GFRA4: variants seen among roughly 807,000 people sequenced by gnomAD.
GFRA4 encodes the protein GDNF family receptor alpha 4.
Under a neutral mutation model 28.5 loss-of-function variants are expected in GFRA4, and 31 were observed. The observed-to-expected ratio is 1.09, with a 90% CI of 0.82 to 1.47. The LOEUF is 1.47. Among genes scored for constraint, GFRA4 ranks in the 40% most tolerant of loss-of-function variants. The probability of loss-of-function intolerance (pLI) is 0.00; values close to 1 mark genes in which losing one functional copy is unlikely to be tolerated. For synonymous variants in GFRA4, 188 were observed against 188.0 expected, an observed-to-expected ratio of 1.00 and a Z score of 0.00; for missense variants, 389 against 413.2, an observed-to-expected ratio of 0.94 and a Z score of 0.51.
chr20:3,661,926 G>A (rs945951687), intron 1 of GFRA4, among the ~76,000 whole-genome samples: 1 of 151,988 alleles, frequency 6.6e-6, no homozygotes, highest in Non-Finnish European at 1.5e-5. Context: ...CCCTTGAGTC[G>A]AGGTCATCCT....
In GFRA4 at chr20:3,661,820, G is replaced by A. The variant is rs182621335; in HGVS notation, c.47-531C>T. Among the ~76,000 whole-genome samples the A allele has an allele frequency of 4.0e-4, 61 of 152,178 alleles. No homozygotes were observed. The East Asian group carries it at 7.0e-3, about 17-fold the overall frequency. ...CTCCACCATGGAGACCCTTTGGGTG[G>A]GTCTATTGATTTCTGTTTCTCCCTC... On this transcript the variant is annotated intron_variant, in intron 1 of 5. Coordinates refer to ENST00000290417, the MANE Select transcript of GFRA4 (RefSeq NM_022139.4).
In GFRA4 at chr20:3,660,671, C is replaced by G; in HGVS notation, c.503-11G>C. 1 of 1,542,468 alleles carries G rather than the reference C, an allele frequency of 6.5e-7. No individual in the cohort carries two copies. Among genetic ancestry groups the G allele is most frequent in the Non-Finnish European group, 8.7e-7 (1 of 1,143,638 alleles). ...GGGTGACGGCGGTGCCTGCGGGGAC[C>G]CTGAGGGCGAAGTCATCGGCCCACC... On this transcript the variant is annotated splice_polypyrimidine_tract_variant and intron_variant, in intron 3 of 5. Coordinates refer to ENST00000290417, the MANE Select transcript of GFRA4 (RefSeq NM_022139.4).
chr20:3,660,233 G>T lies in GFRA4; in HGVS notation c.654C>A (p.Ala218=). ...RNRCLDGAIQ[A]FASGWPPVLL... Reference sequence around the variant, plus strand: ...GGACTGGGGGCCACCCGCTGGCAAAGGCCTGAATGGCACCATCTATGGAGG... The same window carrying T: ...GGACTGGGGGCCACCCGCTGGCAAATGCCTGAATGGCACCATCTATGGAGG... Residue 218 remains alanine, a synonymous_variant, in exon 5 of 6, where the codon GCC becomes GCA. Coordinates refer to ENST00000290417, the MANE Select transcript of GFRA4 (RefSeq NM_022139.4). The T allele has an allele frequency of 6.2e-7, 1 of 1,605,874 alleles. No homozygotes were observed. The highest frequency in any genetic ancestry group is 8.5e-7 in the Non-Finnish European group (1 of 1,176,692).
rs492370 is a variant in GFRA4, at chr20:3,659,289, T to G, written c.*620A>C. On this transcript the variant is annotated 3_prime_UTR_variant, in exon 6 of 6. Coordinates refer to ENST00000290417, the MANE Select transcript of GFRA4 (RefSeq NM_022139.4). Reference sequence around the variant, plus strand: ...AGATTTAATAAGCACTGTATGTTATTCCTACAGCTGCAGGAAACCAGGGGG... The same window carrying G: ...AGATTTAATAAGCACTGTATGTTATGCCTACAGCTGCAGGAAACCAGGGGG... 3.5e-3 allele frequency: 545 copies of G among 157,574 alleles called. 1 individual carries two copies. Among genetic ancestry groups the G allele is most frequent in the Middle Eastern group, 0.013 (4 of 300 alleles). 9.8% of individuals were successfully genotyped at this position (157,574 alleles called of 1,614,324 possible). A position where few individuals can be genotyped will look rare whatever the true frequency, so the allele number is the denominator to read the frequency against.
At chr20:3,663,296 G>A (rs2087242195) in intron 1 of GFRA4, 58 bp downstream of exon 1, 1 of 1,570,646 alleles carries the variant, frequency 6.4e-7, no homozygotes, top group Admixed American at 1.8e-5. Context: ...CCTTGTCACT[G>A]AGGAGCAGGG....
chr20:3,659,721 A>G lies in GFRA4; in HGVS notation c.*188T>C, dbSNP rs1411352990. 28 of 602,130 alleles carry G rather than the reference A, an allele frequency of 4.7e-5. No homozygotes were observed. The East Asian group carries it at 7.8e-4, about 17-fold the overall frequency. The allele number at this position is 602,130 out of a possible 1,614,324, so 37.3% of individuals were successfully genotyped here. On this transcript the variant is annotated 3_prime_UTR_variant, in exon 6 of 6. Transcript: ENST00000290417. ...GACGGGGGCTTTACAGTCAGGCCCCAGCCTACATCCCTTGCCCCAGGGGAC... is the reference window on the plus strand; with the variant it reads ...GACGGGGGCTTTACAGTCAGGCCCCGGCCTACATCCCTTGCCCCAGGGGAC...
intron 1 of GFRA4, among the ~76,000 whole-genome samples, chr20:3,662,830 C>A (rs1019218666): frequency 2.0e-5 from 3 of 152,212 alleles, no homozygotes; most frequent in African/African-American, 7.2e-5. Flanking sequence ...GCCCAGAACA[C>A]CCTTACCCAG....
At position 3,659,478 on chromosome 20, in the gene GFRA4, G is replaced by A. The variant is rs149767536; in HGVS notation, c.*431C>T. ...TGCAGTGTTAGACGGGGTCTTGTCCGATGGATTCCTTAGGGGGTTATATGC... is the reference window on the plus strand; with the variant it reads ...TGCAGTGTTAGACGGGGTCTTGTCCAATGGATTCCTTAGGGGGTTATATGC... On this transcript the variant is annotated 3_prime_UTR_variant, in exon 6 of 6. Transcript: ENST00000290417. 7 of 193,450 alleles carry A rather than the reference G, an allele frequency of 3.6e-5. No individual in the cohort carries two copies. The highest frequency in any genetic ancestry group is 2.7e-4 in the Admixed American group (5 of 18,582). The allele number at this position is 193,450 out of a possible 1,614,324, so 12.0% of individuals were successfully genotyped here. A position where few individuals can be genotyped will look rare whatever the true frequency, so the allele number is the denominator to read the frequency against.
rs1332055893 is a variant in GFRA4 at position 3,660,554 on chromosome 20, C to A, written c.609G>T (p.Arg203=). 1.3e-6 allele frequency: 2 copies of A among 1,550,786 alleles called. No homozygotes were observed. The highest frequency in any genetic ancestry group is 1.7e-6 in the Non-Finnish European group (2 of 1,147,292). The part of the protein sequence containing the change: ...GNRREDCEAF[R]GLFTRNRCLD... ...AGCAGCGGTTCCTGGTAAAGAGCCC[C>A]CGGAAGGCTTCGCAGTCCTCACGCC... The change falls in exon 4 of 6, where the codon CGG becomes CGT. Residue 203 remains arginine (R), a synonymous_variant. Transcript: ENST00000290417.
intron 1 of GFRA4, among the ~76,000 whole-genome samples, chr20:3,662,469 C>T (rs1207240040): frequency 1.0e-5 from 1 of 96,014 alleles, no homozygotes; most frequent in Non-Finnish European, 2.1e-5. Flanking sequence ...TGCACAGGGG[C>T]TACGGGGTGG....
chr20:3,659,655 TG>T lies in GFRA4; in HGVS notation c.*253del. 1 of 551,258 alleles carries T rather than the reference TG, an allele frequency of 1.8e-6. No individual in the cohort carries two copies. Among genetic ancestry groups the T allele is most frequent in the Non-Finnish European group, 3.2e-6 (1 of 308,288 alleles). The allele number at this position is 551,258 out of a possible 1,614,324, so 34.1% of individuals were successfully genotyped here. ...GAGACCCCAGTGGTCTCAAGGTCTG[TG>T]AATAAAGGGACTTACAACCAAGATG... On this transcript the variant is annotated 3_prime_UTR_variant, in exon 6 of 6. Coordinates refer to ENST00000290417, the MANE Select transcript of GFRA4 (RefSeq NM_022139.4).
chr20:3,659,477 C>A lies in GFRA4; in HGVS notation c.*432G>T, dbSNP rs1050273672. On this transcript the variant is annotated 3_prime_UTR_variant, in exon 6 of 6. Coordinates refer to ENST00000290417, the MANE Select transcript of GFRA4 (RefSeq NM_022139.4). ...ATGCAGTGTTAGACGGGGTCTTGTC[C>A]GATGGATTCCTTAGGGGGTTATATG... The A allele has an allele frequency of 5.2e-6, 1 of 193,424 alleles. No individual in the cohort carries two copies. The highest frequency in any genetic ancestry group is 1.1e-5 in the Non-Finnish European group (1 of 92,674). The allele number at this position is 193,424 out of a possible 1,614,324, so 12.0% of individuals were successfully genotyped here.
In GFRA4 at chr20:3,661,141, G is replaced by C. The variant is rs2087218609; in HGVS notation, c.195C>G (p.Arg65=). 2.3e-6 allele frequency: 3 copies of C among 1,330,910 alleles called. No individual in the cohort carries two copies. Among genetic ancestry groups the C allele is most frequent in the Non-Finnish European group, 1.9e-6 (2 of 1,048,254 alleles). 82.4% of individuals were successfully genotyped at this position (1,330,910 alleles called of 1,614,324 possible). A position where few individuals can be genotyped will look rare whatever the true frequency, so the allele number is the denominator to read the frequency against. Residue 65 remains arginine, a synonymous_variant, in exon 2 of 6, where the codon CGC becomes CGG. Coordinates refer to ENST00000290417, the MANE Select transcript of GFRA4 (RefSeq NM_022139.4). ...GGGCGAAGAAGCGGCGCAGGGCCCG[G>C]CGGCAGCGGGCGCGGGGACAGCCCC... The part of the protein sequence containing the change: ...AQGGCPRARC[R]RALRRFFARG...
At position 3,661,101 on chromosome 20, in the gene GFRA4, GCGCGGGCGGCC is replaced by G; in HGVS notation, c.224_234del (p.Gly75AlafsTer41). 1 of 1,319,646 alleles carries G rather than the reference GCGCGGGCGGCC, an allele frequency of 7.6e-7. No individual in the cohort carries two copies. The highest frequency in any genetic ancestry group is 9.6e-7 in the Non-Finnish European group (1 of 1,043,066). 81.7% of individuals were successfully genotyped at this position (1,319,646 alleles called of 1,614,324 possible). ...GGGCAGAAGAGCAGTGCGTGGGTGA[GCGCGGGCGGCC>G]CGCGGGCGAAGAAGCGGCGCAGGGC... On this transcript the variant is annotated frameshift_variant, in exon 2 of 6. Transcript: ENST00000290417. LOFTEE classifies it high-confidence loss of function.
intron 4 of GFRA4, 136 bp from the exon 5 acceptor site, chr20:3,660,385 A>C: frequency 9.2e-7 from 1 of 1,083,328 alleles, no homozygotes; most frequent in Non-Finnish European, 1.3e-6. Context: ...GAATAACAAA[A>C]TAATAAGCAC....
rs1372594476 is a variant in GFRA4, at chr20:3,659,259, C to T, written c.*650G>A. On this transcript the variant is annotated 3_prime_UTR_variant, in exon 6 of 6. Coordinates refer to ENST00000290417, the MANE Select transcript of GFRA4 (RefSeq NM_022139.4). ...CACATAAAAGCAAGGTCAGTCTCAGCACACAGATTTAATAAGCACTGTATG... is the reference window on the plus strand; with the variant it reads ...CACATAAAAGCAAGGTCAGTCTCAGTACACAGATTTAATAAGCACTGTATG... 6.5e-6 allele frequency: 1 copy of T among 153,660 alleles called. No homozygotes were observed. Among genetic ancestry groups the T allele is most frequent in the African/African-American group, 2.4e-5 (1 of 41,464 alleles). The allele number at this position is 153,660 out of a possible 1,614,324, so 9.5% of individuals were successfully genotyped here.
rs571243237 is a variant in GFRA4 at position 3,661,872 on chromosome 20, G to GC, written c.47-584dup. Among the ~76,000 whole-genome samples the GC allele has an allele frequency of 4.0e-4, 61 of 152,110 alleles. No individual in the cohort carries two copies. The East Asian group carries it at 7.1e-3, about 18-fold the overall frequency. ...TTCCTGACCTCCTGCTCCTCCTCCT[G>GC]CCCCCTGCATGGGTGTCTCCCCTCT... On this transcript the variant is annotated intron_variant, in intron 1 of 5. Transcript: ENST00000290417.
chr20:3,660,728 C>T (rs994858732), intron 3 of GFRA4, 27 bp downstream of exon 3: 1 of 1,450,228 alleles, frequency 6.9e-7, no homozygotes, highest in Non-Finnish European at 9.1e-7. Context: ...GAACCCCCGC[C>T]CTCGCCCGGA....
rs1356792576 is a variant in GFRA4 at position 3,661,252 on chromosome 20, G to A, written c.84C>T (p.Asp28=). 1.3e-6 allele frequency: 2 copies of A among 1,498,208 alleles called. No individual in the cohort carries two copies. The highest frequency in any genetic ancestry group is 1.2e-5 in the South Asian group (1 of 81,300). The allele number at this position is 1,498,208 out of a possible 1,614,324, so 92.8% of individuals were successfully genotyped here. A position where few individuals can be genotyped will look rare whatever the true frequency, so the allele number is the denominator to read the frequency against. ...ASSVGGNRCV[D]AAEACTADAR... ...CGTCCGCCGTGCAGGCTTCGGCCGCGTCCACACATCGGTTCCCTCCGACCG... is the reference window on the plus strand; with the variant it reads ...CGTCCGCCGTGCAGGCTTCGGCCGCATCCACACATCGGTTCCCTCCGACCG... The change falls in exon 2 of 6, where the codon GAC becomes GAT. Residue 28 remains aspartate (D), a synonymous_variant. Transcript: ENST00000290417.
Sources: gnomAD v4.1 joint callset for allele counts (sites outside exome capture counted in the v4.1 genomes callset) on GRCh38, gnomAD v4.1.1 for gene constraint, MANE v1.5 for transcripts, NCBI Gene and HGNC (gene_info 2026-07-23, HGNC 2026-07-21) for gene names.